The following KDM4C variants were observed in gnomAD, a reference collection of about 807,000 sequenced individuals.
KDM4C encodes lysine demethylase 4C, also known as lysine-specific demethylase 4C.
KDM4C carries 81 observed loss-of-function variants against 129.3 expected under a neutral mutation model. The ratio of observed to expected loss-of-function variants is 0.63; its 90% confidence interval spans 0.52 to 0.75. The LOEUF (loss-of-function observed/expected upper bound fraction) is 0.75, where lower values mean the gene tolerates loss of function less well. KDM4C is among the 30% of genes least tolerant of loss of function. KDM4C has a pLI of 0.00. For missense variants in KDM4C, 1,457 were observed against 1,304.0 expected, an observed-to-expected ratio of 1.12 and a Z score of -1.81; for synonymous variants, 573 against 456.1, an observed-to-expected ratio of 1.26 and a Z score of -3.26.
chr9:6,865,000 A>ATTTT (rs1563720431), intron 5 of KDM4C, among the ~76,000 whole-genome samples: 4 of 124,098 alleles, frequency 3.2e-5, no homozygotes, highest in Admixed American at 8.1e-5. Context: ...TCTTTGTTAA[A>ATTTT]TTTCTTTCTT....
At chr9:7,101,184 T>C (rs1489412376) in intron 17 of KDM4C, among the ~76,000 whole-genome samples, 1 of 152,214 alleles carries the variant, frequency 6.6e-6, no homozygotes, top group Admixed American at 6.5e-5. Context: ...ATTCATGTTA[T>C]TCTAGTGCCA....
chr9:7,007,612 T>C (rs948376989), intron 12 of KDM4C, among the ~76,000 whole-genome samples: 18 of 152,192 alleles, frequency 1.2e-4, no homozygotes, highest in African/African-American at 4.3e-4. Context: ...GCAGTGACTC[T>C]TTGATACTAA....
intron 1 of KDM4C, among the ~76,000 whole-genome samples, chr9:6,763,037 G>C (rs553246269): frequency 1.3e-5 from 2 of 151,928 alleles, no homozygotes; most frequent in African/African-American, 2.4e-5. Flanking sequence ...CGCTGGTGGG[G>C]GGGGATGGAT....
rs1181881559 is a variant in KDM4C at position 6,854,407 on chromosome 9, C to G, written c.629+4707C>G. Among the ~76,000 whole-genome samples the G allele has an allele frequency of 2.0e-5, 3 of 151,674 alleles. No individual in the cohort carries two copies. In the East Asian group the frequency reaches 5.8e-4, roughly 29 times the overall value. On this transcript the variant is annotated intron_variant, in intron 5 of 21. Transcript: ENST00000381309. ...GGGTGTGGTGGTACATGCCTGTAAT[C>G]CCAGCTACTCGGGAGACTGAGGAAG... is the stretch of plus-strand genomic sequence containing the variant.
At chr9:6,890,585 C>T (rs916486741) in intron 7 of KDM4C, among the ~76,000 whole-genome samples, 1 of 151,520 alleles carries the variant, frequency 6.6e-6, no homozygotes, top group African/African-American at 2.4e-5. Flanking sequence ...TTGGAAATGA[C>T]AGGGGCCTAA....
At chr9:6,984,023 G>T in intron 9 of KDM4C, 143 bp from the exon 10 acceptor site, 1 of 571,554 alleles carries the variant, frequency 1.7e-6, no homozygotes, top group Non-Finnish European at 3.1e-6. Flanking sequence ...TAATCATTCA[G>T]TTGTGAACAT....
intron 12 of KDM4C, among the ~76,000 whole-genome samples, chr9:7,002,328 T>C (rs2132042960): frequency 6.6e-6 from 1 of 152,348 alleles, no homozygotes; most frequent in East Asian, 1.9e-4. Flanking sequence ...AATTGTAAAT[T>C]GACAATTTAT....
intron 4 of KDM4C, among the ~76,000 whole-genome samples, chr9:6,843,660 C>T (rs1236181680): frequency 2.0e-5 from 3 of 152,228 alleles, no homozygotes; most frequent in South Asian, 2.1e-4. Context: ...GTGGTGGAGC[C>T]AGCATTTGGT....
At chr9:6,873,911 A>C (rs1563738262) in intron 5 of KDM4C, among the ~76,000 whole-genome samples, 1 of 146,690 alleles carries the variant, frequency 6.8e-6, no homozygotes, top group Non-Finnish European at 1.5e-5. Flanking sequence ...GGCGAGAGAG[A>C]GAGCGAGAGA....
At chr9:7,164,409 G>A (rs1404351483) in intron 19 of KDM4C, among the ~76,000 whole-genome samples, 39 of 150,786 alleles carry the variant, frequency 2.6e-4, no homozygotes, top group Non-Finnish European at 1.2e-4. Context: ...CTGAATTACT[G>A]CCTTGGGAGG....
At chr9:6,767,225 G>C (rs186627461) in intron 1 of KDM4C, among the ~76,000 whole-genome samples, 1 of 151,742 alleles carries the variant, frequency 6.6e-6, no homozygotes, top group Non-Finnish European at 1.5e-5. Flanking sequence ...TGCAAGCTCC[G>C]CCTCCTGGGT....
intron 5 of KDM4C, among the ~76,000 whole-genome samples, chr9:6,857,836 C>A (rs1345667432): frequency 6.6e-6 from 1 of 150,664 alleles, no homozygotes; most frequent in African/African-American, 2.5e-5. Flanking sequence ...CTCACTGCAA[C>A]CTCTGCCTCC....
rs547939353 is a variant in KDM4C, at chr9:7,167,413, T to C, written c.2901+2056T>C. Reference sequence around the variant, plus strand: ...TGTAATTGCCTTTTTGTCTTTTCGATGTTTTAAGTGGTCTAAAACAAATGA... The same window carrying C: ...TGTAATTGCCTTTTTGTCTTTTCGACGTTTTAAGTGGTCTAAAACAAATGA... On this transcript the variant is annotated intron_variant, in intron 20 of 21. Transcript: ENST00000381309. Among the ~76,000 whole-genome samples the C allele has an allele frequency of 1.0e-3, 154 of 152,348 alleles. 1 individual carries two copies. The highest frequency in any genetic ancestry group is 3.6e-3 in the African/African-American group (149 of 41,586).
intron 20 of KDM4C, among the ~76,000 whole-genome samples, chr9:7,168,907 T>G (rs1844672146): frequency 6.6e-6 from 1 of 151,914 alleles, no homozygotes; most frequent in Non-Finnish European, 1.5e-5. Context: ...TAGCTGGGCG[T>G]TGTGGCACAC....
chr9:6,845,131 T>C (rs1837625397), intron 4 of KDM4C, among the ~76,000 whole-genome samples: 1 of 152,238 alleles, frequency 6.6e-6, no homozygotes, highest in African/African-American at 2.4e-5. Flanking sequence ...TGTTGTTCCC[T>C]TCAGTTTTGC....
chr9:6,801,379 GC>G (rs1370963276), intron 2 of KDM4C, among the ~76,000 whole-genome samples: 2 of 149,596 alleles, frequency 1.3e-5, no homozygotes, highest in Admixed American at 1.4e-4. Flanking sequence ...GACTACAGGT[GC>G]CTGCCACCAT....
intron 18 of KDM4C, among the ~76,000 whole-genome samples, chr9:7,104,874 T>G (rs553643603): frequency 6.7e-4 from 102 of 152,362 alleles, no homozygotes; most frequent in African/African-American, 2.4e-3. Flanking sequence ...CCCAGCTCTT[T>G]GTAATGCTTT....
chr9:6,856,389 T>C (rs1839809102), intron 5 of KDM4C, among the ~76,000 whole-genome samples: 1 of 152,220 alleles, frequency 6.6e-6, no homozygotes, highest in Admixed American at 6.5e-5. Context: ...GCACTTAGAA[T>C]TAACCATGGT....
At chr9:6,980,807 G>GCATTA in intron 8 of KDM4C, 118 bp from the exon 9 acceptor site, 1 of 791,332 alleles carries the variant, frequency 1.3e-6, no homozygotes, top group Non-Finnish European at 2.1e-6. Flanking sequence ...ATAATGTAAT[G>GCATTA]CATTATCCTC....
Sources: gnomAD v4.1 joint callset for allele counts (sites outside exome capture counted in the v4.1 genomes callset) on GRCh38, gnomAD v4.1.1 for gene constraint, MANE v1.5 for transcripts, NCBI Gene and HGNC (gene_info 2026-07-23, HGNC 2026-07-21) for gene names.